Variants in CDC42BPB observed in about 807,000 individuals in gnomAD.
The protein encoded by CDC42BPB is CDC42 binding protein kinase beta, also known as serine/threonine-protein kinase MRCK beta.
A neutral mutation model predicts 214.9 loss-of-function variants in CDC42BPB; 37 were observed. That is an observed-to-expected ratio of 0.17 (90% CI 0.13 to 0.23). CDC42BPB has a LOEUF of 0.23. CDC42BPB is among the 10% of genes least tolerant of loss of function. The pLI is 1.00. For synonymous variants in CDC42BPB, 931 were observed against 884.0 expected (o/e 1.05, Z -0.94); for missense variants, 1,694 against 2,227.0 (o/e 0.76, Z 4.82).
chr14:102,941,754 C>A (rs537555223), intron 30 of CDC42BPB, among the ~76,000 whole-genome samples: 1 of 152,230 alleles, frequency 6.6e-6, no homozygotes, highest in Non-Finnish European at 1.5e-5. Flanking sequence ...ATACAGAGCA[C>A]GCGGCCCCTG....
intron 4 of CDC42BPB, among the ~76,000 whole-genome samples, chr14:103,003,276 C>T (rs372286451): frequency 9.2e-5 from 14 of 152,330 alleles, no homozygotes; most frequent in East Asian, 7.7e-4. Flanking sequence ...CTGAACAAGG[C>T]GGTCTGCGGG....
chr14:102,963,917 C>G (rs911405264), intron 19 of CDC42BPB, among the ~76,000 whole-genome samples: 3 of 152,256 alleles, frequency 2.0e-5, no homozygotes, highest in African/African-American at 4.8e-5. Flanking sequence ...CCTCATGGCA[C>G]AGCAGAGCTG....
chr14:102,962,256 A>G (rs571549539), intron 20 of CDC42BPB, among the ~76,000 whole-genome samples: 43 of 152,208 alleles, frequency 2.8e-4, no homozygotes, highest in Non-Finnish European at 5.6e-4. Flanking sequence ...GCATGCAGCA[A>G]GAGTGTACAG....
intron 1 of CDC42BPB, among the ~76,000 whole-genome samples, chr14:103,036,275 C>T (rs1887661121): frequency 1.3e-5 from 2 of 151,446 alleles, no homozygotes; most frequent in Non-Finnish European, 2.9e-5. Flanking sequence ...GTCTCAGCCT[C>T]CCGAGTAGCT....
At chr14:102,996,603 A>G (rs562746252) in intron 5 of CDC42BPB, among the ~76,000 whole-genome samples, 1 of 152,256 alleles carries the variant, frequency 6.6e-6, no homozygotes, top group African/African-American at 2.4e-5. Flanking sequence ...ACCTGAGGTC[A>G]GGAGTTCTAG....
chr14:102,975,736 T>C lies in CDC42BPB; in HGVS notation c.1455A>G (p.Lys485=). ...TTTCTTCATTTAGCTTTTTGATTTC[T>C]TTATCTCGGTTTGAATTGCTGAGGG... is the stretch of plus-strand genomic sequence containing the variant. The part of the protein sequence containing the change: ...SRALSNSNRD[K]EIKKLNEEIE... Residue 485 remains lysine (K), a synonymous_variant, in exon 11 of 37, where the codon AAA becomes AAG. Transcript: ENST00000361246. 1 of 1,614,184 alleles carries C rather than the reference T, an allele frequency of 6.2e-7. No individual in the cohort carries two copies. The highest frequency in any genetic ancestry group is 1.3e-5 in the African/African-American group (1 of 75,066).
At chr14:102,997,623 G>A (rs537237358) in intron 5 of CDC42BPB, among the ~76,000 whole-genome samples, 8 of 152,308 alleles carry the variant, frequency 5.3e-5, no homozygotes, top group South Asian at 2.1e-4. Context: ...ATGCATGTCC[G>A]GTACGGAGCT....
rs369423884 is a variant in CDC42BPB, at chr14:102,972,007, C to T, written c.1796G>A (p.Arg599Gln). The T allele has an allele frequency of 3.4e-5, 55 of 1,614,118 alleles. No individual in the cohort carries two copies. Among genetic ancestry groups the T allele is most frequent in the Admixed American group, 2.8e-4 (17 of 60,010 alleles). The change falls in exon 13 of 37, where the codon CGA becomes CAA. Residue 599 changes from arginine (R) to glutamine (Q), a missense_variant. Coordinates refer to ENST00000361246, the MANE Select transcript of CDC42BPB (RefSeq NM_006035.4). ...CACCTCCATCTCCTCCTCCTTGTCT[C>T]GCAGCTGCCGGGACACCTTCTGCTT... ...AQKQKVSRQL[R>Q]DKEEEMEVAT...
intron 27 of CDC42BPB, 56 bp downstream of exon 27, chr14:102,947,665 A>T: frequency 6.9e-7 from 1 of 1,441,502 alleles, no homozygotes; most frequent in East Asian, 2.3e-5. Context: ...TGACATGCCT[A>T]GAACAATCAG....
chr14:102,964,658 C>T lies in CDC42BPB; in HGVS notation c.2578-8G>A. On this transcript the variant is annotated splice_region_variant and splice_polypyrimidine_tract_variant and intron_variant, in intron 18 of 36. Coordinates refer to ENST00000361246, the MANE Select transcript of CDC42BPB (RefSeq NM_006035.4). ...CACCTTCCACAGCGGGTCCTTGAGA[C>T]ACGGTCATGGCGTTAAAAATGCATT... 4 of 1,602,668 alleles carry T rather than the reference C, an allele frequency of 2.5e-6. No individual in the cohort carries two copies. Among genetic ancestry groups the T allele is most frequent in the Non-Finnish European group, 3.4e-6 (4 of 1,173,076 alleles).
intron 28 of CDC42BPB, 108 bp from the exon 29 acceptor site, chr14:102,945,832 G>T: frequency 1.1e-6 from 1 of 917,384 alleles, no homozygotes. Context: ...ACCATATGTG[G>T]ATGAGAATAC....
chr14:103,007,159 C>G (rs1257322422), intron 3 of CDC42BPB, among the ~76,000 whole-genome samples: 2 of 152,204 alleles, frequency 1.3e-5, no homozygotes, highest in Admixed American at 6.5e-5. Context: ...GAAGCAATCA[C>G]AGGCCACCGA....
chr14:102,967,812 T>A (rs1278200517), intron 16 of CDC42BPB, among the ~76,000 whole-genome samples: 2 of 152,230 alleles, frequency 1.3e-5, no homozygotes, highest in East Asian at 3.9e-4. Flanking sequence ...GACACCAAAC[T>A]TCGGCCGGCG....
intron 1 of CDC42BPB, among the ~76,000 whole-genome samples, chr14:103,033,388 A>AT (rs1040276137): frequency 1.3e-5 from 2 of 151,674 alleles, no homozygotes; most frequent in African/African-American, 4.8e-5. Context: ...TGCCCAGCTA[A>AT]TTTTTTTGTA....
intron 5 of CDC42BPB, among the ~76,000 whole-genome samples, chr14:102,992,276 A>T (rs529265489): frequency 6.6e-6 from 1 of 152,216 alleles, no homozygotes; most frequent in Non-Finnish European, 1.5e-5. Context: ...TTACATAAAG[A>T]AGTCAACTGA....
At chr14:102,990,267 C>G (rs1256163116) in intron 5 of CDC42BPB, among the ~76,000 whole-genome samples, 1 of 152,126 alleles carries the variant, frequency 6.6e-6, no homozygotes, top group Non-Finnish European at 1.5e-5. Context: ...CAAAACAAAA[C>G]AAATCCAAGT....
intron 30 of CDC42BPB, among the ~76,000 whole-genome samples, chr14:102,942,473 C>A (rs186968692): frequency 6.6e-6 from 1 of 152,250 alleles, no homozygotes; most frequent in African/African-American, 2.4e-5. Flanking sequence ...GTCTTCCTCC[C>A]GGCCTCCTCT....
chr14:102,952,461 TGTGCA>T, intron 24 of CDC42BPB, 32 bp downstream of exon 24: 1 of 1,336,844 alleles, frequency 7.5e-7, no homozygotes, highest in South Asian at 1.2e-5. Context: ...GGTGTGGGGC[TGTGCA>T]CGCTGACCCC....
intron 26 of CDC42BPB, 119 bp downstream of exon 26, chr14:102,949,646 A>G (rs1892389885): frequency 4.5e-6 from 6 of 1,332,516 alleles, no homozygotes; most frequent in Admixed American, 4.0e-5. Context: ...CAACCATACA[A>G]TAATGAAGCA....
Sources: gnomAD v4.1 joint callset for allele counts (sites outside exome capture counted in the v4.1 genomes callset) on GRCh38, gnomAD v4.1.1 for gene constraint, MANE v1.5 for transcripts, NCBI Gene and HGNC (gene_info 2026-07-23, HGNC 2026-07-21) for gene names.